Variants in TRIM23 observed in about 807,000 individuals in gnomAD.
The protein encoded by TRIM23 is tripartite motif containing 23.
A neutral mutation model predicts 71.0 loss-of-function variants in TRIM23; 27 were observed. The ratio of observed to expected loss-of-function variants is 0.38; its 90% CI spans 0.28 to 0.52. The LOEUF (loss-of-function observed/expected upper bound fraction) is 0.52. Ranked by LOEUF, TRIM23 falls within the 20% of genes least tolerant of loss-of-function variation. The probability of loss-of-function intolerance (pLI) is 0.84; values close to 1 mark genes in which losing one functional copy is unlikely to be tolerated. For synonymous variants in TRIM23, 234 were observed against 238.0 expected (o/e 0.98, Z 0.16); for missense variants, 482 against 692.3 (o/e 0.70, Z 3.41).
At chr5:65,604,369 A>C (rs1057046541) in intron 7 of TRIM23, among the ~76,000 whole-genome samples, 4 of 152,166 alleles carry the variant, frequency 2.6e-5, no homozygotes, top group African/African-American at 9.7e-5. Context: ...TGCTGTTATT[A>C]CAGGTGTGAG....
At chr5:65,613,693 G>C (rs558993841) in intron 3 of TRIM23, 2 of 1,146,348 alleles carry the variant, frequency 1.7e-6, no homozygotes, top group African/African-American at 1.6e-5. Context: ...CTATCTTTAA[G>C]GCATTTTCCC....
At position 65,611,810 on chromosome 5, in the gene TRIM23, C is replaced by T. The variant is rs1754657490; in HGVS notation, c.438G>A (p.Leu146=). 6.2e-7 allele frequency: 1 copy of T among 1,614,024 alleles called. No homozygotes were observed. The highest frequency in any genetic ancestry group is 1.1e-5 in the South Asian group (1 of 91,088). ...SVYCTVCATH[L]CSECSQVTHS... ...GAGTAACTTGAGAACACTCAGAGCA[C>T]AAATGAGTTGCACACACAGTGCAAT... Residue 146 remains leucine (L), a synonymous_variant, in exon 4 of 11, where the codon TTG becomes TTA. Transcript: ENST00000231524.
At position 65,590,527 on chromosome 5, in the gene TRIM23, A is replaced by C. The variant is rs1388790110; in HGVS notation, c.*1242T>G. On this transcript the variant is annotated 3_prime_UTR_variant, in exon 11 of 11. Transcript: ENST00000231524. ...CTAATAAGATTTAAGATTTAACTTC[A>C]TCCTAATGTATCAGAACATTAAAAA... is the stretch of plus-strand genomic sequence containing the variant. The C allele has an allele frequency of 6.1e-6, 7 of 1,147,426 alleles. No homozygotes were observed. The African/African-American group carries it at 8.4e-5, about 14-fold the overall frequency. 71.1% of individuals were successfully genotyped at this position (1,147,426 alleles called of 1,614,324 possible).
At chr5:65,614,460 T>C (rs570071515) in intron 2 of TRIM23, among the ~76,000 whole-genome samples, 1 of 152,232 alleles carries the variant, frequency 6.6e-6, no homozygotes, top group South Asian at 2.1e-4. Context: ...TTTGGCCAGG[T>C]GCTTTGGCCC....
At position 65,624,212 on chromosome 5, in the gene TRIM23, C is replaced by T. The variant is rs1755047581; in HGVS notation, c.63G>A (p.Arg21=). The T allele has an allele frequency of 6.2e-7, 1 of 1,614,256 alleles. No individual in the cohort carries two copies. The highest frequency in any genetic ancestry group is 8.5e-7 in the Non-Finnish European group (1 of 1,180,044). The part of the protein sequence containing the change: ...AGVDSGRQGS[R]GTAVVKVLEC... ...CCCTCACCTTCACTACAGCTGTCCC[C>T]CGGCTGCCCTGCCGGCCACTGTCTA... The change falls in exon 1 of 11, where the codon CGG becomes CGA. Residue 21 remains arginine (R), a synonymous_variant. Coordinates refer to ENST00000231524, the MANE Select transcript of TRIM23 (RefSeq NM_001656.4).
rs756166399 is a variant in TRIM23, at chr5:65,611,647, T to C, written c.601A>G (p.Met201Val). The change falls in exon 4 of 11, where the codon ATG (methionine) becomes GTG (valine). Residue 201 changes from methionine (M) to valine (V), a missense_variant. Physicochemically the swap from Met to Val is conservative, Grantham distance 21. Around this residue, in one of 2 missense-constraint regions of TRIM23, gnomAD observed 307 missense variants for 495.8 expected, o/e 0.62. Coordinates refer to ENST00000231524, the MANE Select transcript of TRIM23 (RefSeq NM_001656.4). ...LEEGCQTSPL[M>V]CCVCKEYGKH... is the part of the protein sequence containing the mutation. ...CCATATTCTTTGCAGACACAGCACA[T>C]GAGTGGGCTAGTTTGACAACCTTCT... The C allele has an allele frequency of 6.2e-7, 1 of 1,614,198 alleles. No homozygotes were observed. The highest frequency in any genetic ancestry group is 1.1e-5 in the South Asian group (1 of 91,088).
At chr5:65,593,693 G>A (rs1754105764) in intron 10 of TRIM23, among the ~76,000 whole-genome samples, 1 of 151,984 alleles carries the variant, frequency 6.6e-6, no homozygotes, top group Non-Finnish European at 1.5e-5. Flanking sequence ...TCCTAGAAAG[G>A]CTCAAGGTCT....
In TRIM23 at chr5:65,614,085, G is replaced by A. The variant is rs377059792; in HGVS notation, c.366+13C>T. 3.1e-6 allele frequency: 5 copies of A among 1,610,296 alleles called. No homozygotes were observed. In the South Asian group the frequency reaches 3.3e-5, roughly 11 times the overall value. ...ATGCTCGTAACAAATATTTCACCAA[G>A]TATGATCAATACCTCTCCAGATATC... On this transcript the variant is annotated intron_variant, in intron 3 of 10. Coordinates refer to ENST00000231524, the MANE Select transcript of TRIM23 (RefSeq NM_001656.4).
At chr5:65,612,033 C>T in intron 3 of TRIM23, 152 bp from the exon 4 acceptor site, 2 of 742,030 alleles carry the variant, frequency 2.7e-6, no homozygotes, top group South Asian at 2.1e-5. Context: ...TCATTCAATA[C>T]TCATCTGAGA....
chr5:65,600,555 AAAAAC>A (rs1304620786), intron 7 of TRIM23, among the ~76,000 whole-genome samples: 1 of 152,060 alleles, frequency 6.6e-6, no homozygotes, highest in Non-Finnish European at 1.5e-5. Flanking sequence ...TCCTAGAAGA[AAAAAC>A]AGAGGAAAAG....
intron 7 of TRIM23, 63 bp from the exon 8 acceptor site, chr5:65,597,243 C>A: frequency 6.6e-7 from 1 of 1,522,626 alleles, no homozygotes; most frequent in South Asian, 1.1e-5. Flanking sequence ...CATTTAGCAC[C>A]TTTATTATTT....
At chr5:65,617,296 A>G (rs967320740) in intron 2 of TRIM23, among the ~76,000 whole-genome samples, 1 of 152,212 alleles carries the variant, frequency 6.6e-6, no homozygotes, top group African/African-American at 2.4e-5. Context: ...GCCTAAAATT[A>G]TAGGTACTCT....
Position 65,611,500 on chromosome 5 carries a change from C to G in TRIM23, c.645+103G>C. 7 of 1,338,098 alleles carry G rather than the reference C, an allele frequency of 5.2e-6. No individual in the cohort carries two copies. In the Admixed American group the frequency reaches 6.6e-5, roughly 13 times the overall value. The allele number at this position is 1,338,098 out of a possible 1,614,324, so 82.9% of individuals were successfully genotyped here. On this transcript the variant is annotated intron_variant, in intron 4 of 10. Transcript: ENST00000231524. The stretch of plus-strand genomic sequence containing the variant: ...CCCAATCACTCATCACTTAACTCTT[C>G]TTCAATCCCTACTTTCAGAATAAAG...
At chr5:65,593,280 C>A (rs1269271997) in intron 10 of TRIM23, among the ~76,000 whole-genome samples, 2 of 152,106 alleles carry the variant, frequency 1.3e-5, no homozygotes, top group South Asian at 4.2e-4. Context: ...ACTAAAAATA[C>A]AAAAGTTAGC....
Position 65,611,838 on chromosome 5 carries a change from A to G in TRIM23, c.410T>C (p.Val137Ala). Residue 137 changes from valine (V) to alanine (A), a missense_variant, in exon 4 of 11, where the codon GTA becomes GCA. Physicochemically the swap from Val to Ala is moderately conservative, Grantham distance 64. Around this residue, in one of 2 missense-constraint regions of TRIM23, gnomAD observed 175 missense variants for 196.5 expected, o/e 0.89. Transcript: ENST00000231524. ...CDEDEAHLAS[V>A]YCTVCATHLC... ...ATGAGTTGCACACACAGTGCAATAT[A>G]CAGAGGCAAGGTGAGCTTCATCTTC... The G allele has an allele frequency of 6.2e-7, 1 of 1,614,034 alleles. No individual in the cohort carries two copies. Among genetic ancestry groups the G allele is most frequent in the Non-Finnish European group, 8.5e-7 (1 of 1,179,892 alleles).
chr5:65,610,856 C>A lies in TRIM23; in HGVS notation c.828+5G>T. 1.3e-6 allele frequency: 2 copies of A among 1,556,246 alleles called. No homozygotes were observed. The highest frequency in any genetic ancestry group is 1.7e-6 in the Non-Finnish European group (2 of 1,155,448). ...GAGAAAGTGAAGAAGAAAAAAAATC[C>A]ATACATGTTCTGTGTGAGCCATTCC... On this transcript the variant is annotated splice_donor_5th_base_variant and intron_variant, in intron 5 of 10. Transcript: ENST00000231524.
chr5:65,607,373 A>C (rs1024301305), intron 6 of TRIM23, among the ~76,000 whole-genome samples: 23 of 152,238 alleles, frequency 1.5e-4, no homozygotes, highest in African/African-American at 5.5e-4. Context: ...CAAGGGAGGG[A>C]CATGATTGGA....
intron 7 of TRIM23, among the ~76,000 whole-genome samples, chr5:65,601,197 A>G (rs1240980822): frequency 6.6e-6 from 1 of 152,246 alleles, no homozygotes; most frequent in African/African-American, 2.4e-5. Context: ...ACACTCACGT[A>G]CACAGCAGCA....
chr5:65,591,992 A>G (rs754520557), intron 10 of TRIM23, 44 bp from the exon 11 acceptor site: 7 of 1,512,114 alleles, frequency 4.6e-6, no homozygotes, highest in East Asian at 2.3e-5. Context: ...CATCCAAATT[A>G]TAATTTTTCT....
Sources: gnomAD v4.1 joint callset for allele counts (sites outside exome capture counted in the v4.1 genomes callset) on GRCh38, gnomAD v4.1.1 for gene constraint, gnomAD v4.1.1 regional missense constraint, MANE v1.5 for transcripts, NCBI Gene and HGNC (gene_info 2026-07-23, HGNC 2026-07-21) for gene names.